Variants in SRBD1 observed in about 807,000 individuals in gnomAD.
SRBD1 encodes the protein S1 RNA-binding domain-containing protein 1.
In SRBD1, 88 loss-of-function variants were observed where a neutral mutation model predicts 115.3. The ratio of observed to expected loss-of-function variants is 0.76; its 90% CI spans 0.64 to 0.91. The LOEUF is 0.91. Among genes scored for constraint, SRBD1 ranks in the 40% least tolerant of loss-of-function variants. SRBD1 has a pLI of 0.00. For missense variants in SRBD1, 1,385 were observed against 1,177.4 expected (o/e 1.18, Z -2.58); for synonymous variants, 509 against 407.7 (o/e 1.25, Z -2.99).
intron 14 of SRBD1, among the ~76,000 whole-genome samples, chr2:45,496,051 C>G (rs1670449142): frequency 6.6e-6 from 1 of 152,174 alleles, no homozygotes; most frequent in Non-Finnish European, 1.5e-5. Flanking sequence ...TTTGTTTATA[C>G]TTTTCAAGTG....
rs769652747 is a variant in SRBD1 at position 45,580,039 on chromosome 2, T to C, written c.934-26A>G. On this transcript the variant is annotated intron_variant, in intron 6 of 20. Transcript: ENST00000263736. Reference sequence around the variant, plus strand: ...CTAGAAAATAAAGACAGAAAACATATGATTATGTTTTAAAAAAACAAAAGT... The same window carrying C: ...CTAGAAAATAAAGACAGAAAACATACGATTATGTTTTAAAAAAACAAAAGT... 2.1e-5 allele frequency: 30 copies of C among 1,452,696 alleles called. No individual in the cohort carries two copies. In the South Asian group the frequency reaches 2.2e-4, roughly 11 times the overall value. 90.0% of individuals were successfully genotyped at this position (1,452,696 alleles called of 1,614,324 possible). A position where few individuals can be genotyped will look rare whatever the true frequency, so the allele number is the denominator to read the frequency against.
chr2:45,608,812 G>GAAA (rs202242042), intron 1 of SRBD1, among the ~76,000 whole-genome samples: 2 of 148,088 alleles, frequency 1.4e-5, no homozygotes, highest in African/African-American at 5.0e-5. Flanking sequence ...CCAGAACCTT[G>GAAA]AAAAAAAAAA....
At chr2:45,486,615 C>A (rs980542113) in intron 15 of SRBD1, among the ~76,000 whole-genome samples, 1 of 151,928 alleles carries the variant, frequency 6.6e-6, no homozygotes, top group South Asian at 2.1e-4. Flanking sequence ...CGCCTGTAGT[C>A]CCAGCTACTT....
chr2:45,395,099 T>C (rs1667106487), intron 19 of SRBD1, among the ~76,000 whole-genome samples: 1 of 152,196 alleles, frequency 6.6e-6, no homozygotes, highest in African/African-American at 2.4e-5. Context: ...TATACAACTT[T>C]CTAAATAATG....
chr2:45,493,637 C>T (rs1440783761), intron 14 of SRBD1, among the ~76,000 whole-genome samples: 3 of 151,626 alleles, frequency 2.0e-5, no homozygotes. Flanking sequence ...ATGGTGAATC[C>T]CAGTCTCTAC....
intron 4 of SRBD1, among the ~76,000 whole-genome samples, chr2:45,595,997 G>T (rs1177597053): frequency 5.9e-5 from 9 of 151,652 alleles, no homozygotes; most frequent in Admixed American, 5.9e-4. Context: ...CTTCAAAAAA[G>T]GAAGAGGAAA....
intron 16 of SRBD1, among the ~76,000 whole-genome samples, chr2:45,456,056 C>T (rs557215149): frequency 2.0e-5 from 3 of 151,760 alleles, no homozygotes; most frequent in East Asian, 1.9e-4. Context: ...ACTAAATAAC[C>T]TCCTGGCAAA....
intron 19 of SRBD1, among the ~76,000 whole-genome samples, chr2:45,407,874 A>C (rs1448270506): frequency 6.6e-6 from 1 of 152,006 alleles, no homozygotes; most frequent in Non-Finnish European, 1.5e-5. Flanking sequence ...AAGGCCTTTA[A>C]AAAATTATAT....
intron 7 of SRBD1, among the ~76,000 whole-genome samples, chr2:45,576,233 A>C (rs1369467424): frequency 2.0e-5 from 3 of 152,190 alleles, no homozygotes; most frequent in Non-Finnish European, 4.4e-5. Flanking sequence ...TTTTTTCCTT[A>C]CAAATTTCTT....
chr2:45,508,835 TG>T (rs1451392949), intron 14 of SRBD1, among the ~76,000 whole-genome samples: 1 of 152,154 alleles, frequency 6.6e-6, no homozygotes, highest in Non-Finnish European at 1.5e-5. Flanking sequence ...AATGTAAAAA[TG>T]ATTAAAGTCA....
intron 16 of SRBD1, among the ~76,000 whole-genome samples, chr2:45,432,071 C>A (rs1000322679): frequency 2.0e-5 from 3 of 149,960 alleles, no homozygotes; most frequent in African/African-American, 7.4e-5. Flanking sequence ...ACCCTGTCGC[C>A]CAGGCTGGAG....
At chr2:45,395,093 C>T (rs1393924933) in intron 19 of SRBD1, among the ~76,000 whole-genome samples, 2 of 152,204 alleles carry the variant, frequency 1.3e-5, no homozygotes, top group South Asian at 4.1e-4. Flanking sequence ...CTTCCTTATA[C>T]AACTTTCTAA....
intron 14 of SRBD1, among the ~76,000 whole-genome samples, chr2:45,537,721 A>G (rs1192346927): frequency 6.6e-6 from 1 of 152,172 alleles, no homozygotes; most frequent in African/African-American, 2.4e-5. Flanking sequence ...AACATTTCAC[A>G]TAGAAGAATA....
At chr2:45,498,399 T>G (rs1670525411) in intron 14 of SRBD1, among the ~76,000 whole-genome samples, 1 of 152,214 alleles carries the variant, frequency 6.6e-6, no homozygotes, top group Non-Finnish European at 1.5e-5. Flanking sequence ...GTGCTCATTT[T>G]AATTTTTGAA....
intron 14 of SRBD1, among the ~76,000 whole-genome samples, chr2:45,518,445 C>T (rs1358429775): frequency 3.9e-5 from 6 of 152,150 alleles, no homozygotes; most frequent in Non-Finnish European, 7.4e-5. Flanking sequence ...AGGCTGGCAG[C>T]ATTTGTCAGT....
At chr2:45,417,824 A>C (rs1414848688) in intron 18 of SRBD1, among the ~76,000 whole-genome samples, 1 of 152,194 alleles carries the variant, frequency 6.6e-6, no homozygotes, top group Non-Finnish European at 1.5e-5. Flanking sequence ...TTTTGAAGTC[A>C]CCATTGTCAC....
In SRBD1 at chr2:45,574,728, A is replaced by G; in HGVS notation, c.1073-5T>C. Reference sequence around the variant, plus strand: ...TATCCTGAAGCGTTGAAAGCCCTTTAGGAGAAGGGTAAAAAGGAAAACAAA... The same window carrying G: ...TATCCTGAAGCGTTGAAAGCCCTTTGGGAGAAGGGTAAAAAGGAAAACAAA... On this transcript the variant is annotated splice_region_variant and splice_polypyrimidine_tract_variant and intron_variant, in intron 7 of 20. Coordinates refer to ENST00000263736, the MANE Select transcript of SRBD1 (RefSeq NM_018079.5). 4 of 1,603,446 alleles carry G rather than the reference A, an allele frequency of 2.5e-6. No homozygotes were observed. Among genetic ancestry groups the G allele is most frequent in the Non-Finnish European group, 3.4e-6 (4 of 1,176,964 alleles).
At chr2:45,510,552 T>C (rs758802034) in intron 14 of SRBD1, among the ~76,000 whole-genome samples, 31 of 152,184 alleles carry the variant, frequency 2.0e-4, no homozygotes, top group Non-Finnish European at 4.1e-4. Context: ...AACTATCACA[T>C]TAAATGGATC....
intron 4 of SRBD1, among the ~76,000 whole-genome samples, chr2:45,598,440 C>G (rs1345123128): frequency 6.6e-6 from 1 of 151,784 alleles, no homozygotes; most frequent in Non-Finnish European, 1.5e-5. Flanking sequence ...CGGTGAAACC[C>G]TGTCTCTACT....
Sources: gnomAD v4.1 joint callset for allele counts (sites outside exome capture counted in the v4.1 genomes callset) on GRCh38, gnomAD v4.1.1 for gene constraint, MANE v1.5 for transcripts, NCBI Gene and HGNC (gene_info 2026-07-23, HGNC 2026-07-21) for gene names.